The following MAGI2 variants were observed in gnomAD, a reference collection of about 807,000 sequenced individuals.
MAGI2 encodes the protein membrane-associated guanylate kinase, WW and PDZ domain-containing protein 2.
In MAGI2, 35 loss-of-function variants were observed where a neutral mutation model predicts 133.3. The observed-to-expected ratio is 0.26, with a 90% CI of 0.20 to 0.35. The LOEUF is 0.35. Among genes scored for constraint, MAGI2 ranks in the 10% least tolerant of loss-of-function variants. The probability of loss-of-function intolerance (pLI) is 1.00; values close to 1 mark genes in which losing one functional copy is unlikely to be tolerated. For synonymous variants in MAGI2, 729 were observed against 710.6 expected (o/e 1.03, Z -0.41); for missense variants, 1,636 against 1,863.4 (o/e 0.88, Z 2.25).
At chr7:79,063,788 T>C (rs1036345382) in intron 1 of MAGI2, among the ~76,000 whole-genome samples, 1 of 152,068 alleles carries the variant, frequency 6.6e-6, no homozygotes, top group Non-Finnish European at 1.5e-5. Flanking sequence ...CCTCTGCCAA[T>C]AAGCAACCAC....
intron 3 of MAGI2, among the ~76,000 whole-genome samples, chr7:78,573,271 TAA>T (rs1230901535): frequency 4.1e-4 from 9 of 22,116 alleles, no homozygotes; most frequent in East Asian, 0.016. Context: ...TAAATATATA[TAA>T]ATATATATAT....
intron 2 of MAGI2, among the ~76,000 whole-genome samples, chr7:78,865,062 C>G (rs977472475): frequency 6.6e-6 from 1 of 152,166 alleles, no homozygotes; most frequent in African/African-American, 2.4e-5. Flanking sequence ...TCAGGAGAGT[C>G]AGATGTTTCT....
chr7:79,314,769 G>A (rs1838574112), intron 1 of MAGI2, among the ~76,000 whole-genome samples: 1 of 152,126 alleles, frequency 6.6e-6, no homozygotes, highest in South Asian at 2.1e-4. Flanking sequence ...GATAAACTGT[G>A]ACTTTTATTG....
rs191199880 is a variant in MAGI2 at position 78,754,156 on chromosome 7, C to T, written c.419-126917G>A. Among the ~76,000 whole-genome samples the T allele has an allele frequency of 8.8e-4, 134 of 152,054 alleles. No homozygotes were observed. The East Asian group carries it at 0.011, about 12-fold the overall frequency. ...CTTTGGGAGGCTGAGGCAGGTGGAT[C>T]GCTTGAGCCCAGGAGTTCGGGACCA... On this transcript the variant is annotated intron_variant, in intron 2 of 21. Coordinates refer to ENST00000354212, the MANE Select transcript of MAGI2 (RefSeq NM_012301.4).
intron 5 of MAGI2, 78 bp from the exon 6 acceptor site, chr7:78,489,918 G>A: frequency 9.6e-7 from 1 of 1,039,402 alleles, no homozygotes; most frequent in Non-Finnish European, 1.4e-6. Flanking sequence ...AAAAAAGCAG[G>A]GTTAGTCCAA....
chr7:78,054,598 T>A (rs1377835735), intron 21 of MAGI2, among the ~76,000 whole-genome samples: 2 of 151,990 alleles, frequency 1.3e-5, no homozygotes, highest in Non-Finnish European at 2.9e-5. Flanking sequence ...ACTTTTTTTT[T>A]TTTTTCCTGA....
At chr7:79,343,769 T>C (rs1841090870) in intron 1 of MAGI2, among the ~76,000 whole-genome samples, 1 of 152,136 alleles carries the variant, frequency 6.6e-6, no homozygotes, top group South Asian at 2.1e-4. Context: ...AATAGATCAC[T>C]TCAAAACTAT....
chr7:78,782,740 C>G (rs1452847236), intron 2 of MAGI2, among the ~76,000 whole-genome samples: 1 of 152,044 alleles, frequency 6.6e-6, no homozygotes, highest in African/African-American at 2.4e-5. Flanking sequence ...GCAGATATGG[C>G]CTGGGCAAAG....
Position 78,185,663 on chromosome 7 carries a change from C to T in MAGI2, c.2277G>A (p.Val759=). 1 of 1,582,512 alleles carries T rather than the reference C, an allele frequency of 6.3e-7. No individual in the cohort carries two copies. The highest frequency in any genetic ancestry group is 8.6e-7 in the Non-Finnish European group (1 of 1,158,656). ...SRAIYESRQQ[V]PPRTSFRMDS... ...CCATTCGAAAACTGGTCCTGGGTGG[C>T]ACTTGTTCTGGATGGGAAAATGGGG... The change falls in exon 13 of 22, where the codon GTG becomes GTA. Residue 759 remains valine (V), a synonymous_variant. Transcript: ENST00000354212.
intron 7 of MAGI2, among the ~76,000 whole-genome samples, chr7:78,364,589 T>A (rs1793182713): frequency 6.6e-6 from 1 of 152,236 alleles, no homozygotes; most frequent in Non-Finnish European, 1.5e-5. Flanking sequence ...GTCTCCACTA[T>A]CATTTTAACT....
intron 1 of MAGI2, among the ~76,000 whole-genome samples, chr7:79,344,980 T>A (rs1841201867): frequency 6.6e-6 from 1 of 152,070 alleles, no homozygotes; most frequent in African/African-American, 2.4e-5. Flanking sequence ...AGACAAATGA[T>A]CTCAAATGAG....
chr7:78,885,912 A>G (rs1616931), intron 2 of MAGI2, among the ~76,000 whole-genome samples: 151,222 of 152,238 alleles, frequency 0.99, 75,110 homozygotes, highest in Middle Eastern at 1. Flanking sequence ...ATGGCTCAAG[A>G]ACAGACTGTG....
chr7:78,033,772 G>A (rs1809867629), intron 21 of MAGI2, among the ~76,000 whole-genome samples: 1 of 152,102 alleles, frequency 6.6e-6, no homozygotes, highest in Non-Finnish European at 1.5e-5. Flanking sequence ...GTCAACAAGG[G>A]CCGAGCTCAG....
intron 1 of MAGI2, among the ~76,000 whole-genome samples, chr7:79,203,530 A>C (rs967904625): frequency 6.6e-6 from 1 of 152,024 alleles, no homozygotes; most frequent in Non-Finnish European, 1.5e-5. Context: ...AACTCCTTGC[A>C]ATTTGTTTTT....
intron 3 of MAGI2, chr7:78,619,005 TAAAAAAAAAAAA>T (rs58783152): frequency 2.0e-5 from 1 of 50,422 alleles, no homozygotes; most frequent in South Asian, 1.1e-3. Context: ...CCAAAATCGC[TAAAAAAAAAAAA>T]AAAAAAAAAA....
At chr7:79,217,675 C>A (rs1309423548) in intron 1 of MAGI2, among the ~76,000 whole-genome samples, 1 of 151,934 alleles carries the variant, frequency 6.6e-6, no homozygotes, top group African/African-American at 2.4e-5. Flanking sequence ...AAGAACTAGA[C>A]CTTTGTTTGA....
chr7:79,381,045 T>G (rs1459609437), intron 1 of MAGI2, among the ~76,000 whole-genome samples: 5 of 151,770 alleles, frequency 3.3e-5, no homozygotes, highest in Non-Finnish European at 1.5e-5. Flanking sequence ...GTTATAACCC[T>G]TCACAAACTT....
chr7:79,066,033 G>A (rs576337473), intron 1 of MAGI2, among the ~76,000 whole-genome samples: 1 of 152,100 alleles, frequency 6.6e-6, no homozygotes, highest in Non-Finnish European at 1.5e-5. Context: ...ACGTGTATGT[G>A]TCTTTATAGT....
At chr7:79,445,636 G>C (rs1848797346) in intron 1 of MAGI2, among the ~76,000 whole-genome samples, 1 of 152,198 alleles carries the variant, frequency 6.6e-6, no homozygotes, top group South Asian at 2.1e-4. Context: ...ACACCAGTTA[G>C]AATGGCAACC....
Sources: allele counts gnomAD v4.1 joint callset (sites outside exome capture counted in the v4.1 genomes callset), GRCh38; gene constraint gnomAD v4.1.1; transcripts MANE v1.5; gene names NCBI Gene and HGNC (gene_info 2026-07-23, HGNC 2026-07-21).